Variants in KCNJ6 observed in about 807,000 individuals in gnomAD.
KCNJ6 encodes the protein potassium inwardly rectifying channel subfamily J member 6, also known as G protein-activated inward rectifier potassium channel 2.
In KCNJ6, 9 loss-of-function variants were observed where a neutral mutation model predicts 34.2. The ratio of observed to expected loss-of-function variants is 0.26; its 90% CI spans 0.16 to 0.46. The LOEUF (loss-of-function observed/expected upper bound fraction) is 0.46, where lower values mean the gene tolerates loss of function less well. Ranked by LOEUF, KCNJ6 falls within the 20% of genes least tolerant of loss-of-function variation. The probability of loss-of-function intolerance (pLI) is 1.00; values close to 1 mark genes in which losing one functional copy is unlikely to be tolerated. For missense variants in KCNJ6, 236 were observed against 531.3 expected (o/e 0.44, Z 5.46); for synonymous variants, 196 against 207.1 (o/e 0.95, Z 0.46).
intron 1 of KCNJ6, among the ~76,000 whole-genome samples, chr21:37,853,199 GA>G: frequency 7.0e-6 from 1 of 143,852 alleles, no homozygotes; most frequent in Admixed American, 6.9e-5. Flanking sequence ...ACCCATGCAA[GA>G]AAAACCCAAG....
chr21:37,885,579 G>T (rs936563867), intron 1 of KCNJ6, among the ~76,000 whole-genome samples: 2 of 152,236 alleles, frequency 1.3e-5, no homozygotes, highest in African/African-American at 4.8e-5. Flanking sequence ...TTCAAAGCAT[G>T]CAAGCCCACA....
intron 2 of KCNJ6, among the ~76,000 whole-genome samples, chr21:37,821,863 A>T (rs561383358): frequency 6.6e-6 from 1 of 152,354 alleles, no homozygotes; most frequent in East Asian, 1.9e-4. Context: ...ATGCTGAATG[A>T]CAGTTTTCCT....
At chr21:37,790,022 G>A (rs973489677) in intron 2 of KCNJ6, among the ~76,000 whole-genome samples, 6 of 152,250 alleles carry the variant, frequency 3.9e-5, no homozygotes, top group Admixed American at 2.0e-4. Flanking sequence ...GGATCATCGC[G>A]AACTTCCAAT....
intron 2 of KCNJ6, among the ~76,000 whole-genome samples, chr21:37,796,454 G>T (rs897469486): frequency 9.2e-5 from 14 of 152,218 alleles, no homozygotes; most frequent in African/African-American, 3.1e-4. Flanking sequence ...CTGACCTGAA[G>T]GGTGGCAGAT....
chr21:37,687,233 A>G (rs1312552419), intron 3 of KCNJ6, among the ~76,000 whole-genome samples: 1 of 152,130 alleles, frequency 6.6e-6, no homozygotes, highest in Admixed American at 6.5e-5. Flanking sequence ...GTAGCGTCCC[A>G]GCCGGTATCT....
At chr21:37,628,629 G>A (rs980393178) in intron 3 of KCNJ6, among the ~76,000 whole-genome samples, 7 of 152,268 alleles carry the variant, frequency 4.6e-5, no homozygotes, top group Admixed American at 2.0e-4. Context: ...ATGTGAAGAC[G>A]TAATGACTGG....
At chr21:37,872,488 A>T (rs1377337824) in intron 1 of KCNJ6, among the ~76,000 whole-genome samples, 1 of 152,198 alleles carries the variant, frequency 6.6e-6, no homozygotes, top group Non-Finnish European at 1.5e-5. Flanking sequence ...GGTGCAGCCT[A>T]CAGGAGGAAT....
intron 2 of KCNJ6, among the ~76,000 whole-genome samples, chr21:37,834,193 C>T (rs974776471): frequency 6.6e-6 from 1 of 152,232 alleles, no homozygotes; most frequent in Non-Finnish European, 1.5e-5. Context: ...TTGAAACCTT[C>T]AGCACTGCCC....
At chr21:37,673,579 A>C (rs796497894) in intron 3 of KCNJ6, among the ~76,000 whole-genome samples, 68 of 152,352 alleles carry the variant, frequency 4.5e-4, no homozygotes, top group African/African-American at 1.5e-3. Flanking sequence ...CAACTCACTC[A>C]TCACACACCT....
At chr21:37,635,676 CCTGA>C (rs1350015411) in intron 3 of KCNJ6, among the ~76,000 whole-genome samples, 2 of 151,916 alleles carry the variant, frequency 1.3e-5, no homozygotes, top group African/African-American at 4.8e-5. Context: ...TGCCACCACA[CCTGA>C]CTATTTTTGT....
At chr21:37,859,525 ATAT>A (rs1568875116) in intron 1 of KCNJ6, among the ~76,000 whole-genome samples, 8 of 116,414 alleles carry the variant, frequency 6.9e-5, no homozygotes, top group Admixed American at 4.0e-4. Flanking sequence ...ATATATATAT[ATAT>A]ATAAAATACT....
At chr21:37,794,988 A>C (rs968403495) in intron 2 of KCNJ6, among the ~76,000 whole-genome samples, 4 of 152,210 alleles carry the variant, frequency 2.6e-5, no homozygotes, top group Non-Finnish European at 5.9e-5. Context: ...AGGTCTGGGT[A>C]AAGATCATGT....
chr21:37,691,952 C>G (rs2054641876), intron 3 of KCNJ6, among the ~76,000 whole-genome samples: 1 of 152,162 alleles, frequency 6.6e-6, no homozygotes, highest in African/African-American at 2.4e-5. Context: ...AAAGGTTTCT[C>G]TAACCTCAGC....
At chr21:37,738,234 G>A (rs1032255679) in intron 2 of KCNJ6, among the ~76,000 whole-genome samples, 1 of 152,138 alleles carries the variant, frequency 6.6e-6, no homozygotes, top group African/African-American at 2.4e-5. Context: ...GATTACAAAC[G>A]GCCTGTACTT....
intron 1 of KCNJ6, among the ~76,000 whole-genome samples, chr21:37,845,015 T>A (rs956736563): frequency 6.6e-6 from 1 of 152,186 alleles, no homozygotes; most frequent in African/African-American, 2.4e-5. Flanking sequence ...TTGGAGCTAC[T>A]GTTTCCTGGT....
chr21:37,827,333 G>A (rs1006908994), intron 2 of KCNJ6, among the ~76,000 whole-genome samples: 4 of 152,306 alleles, frequency 2.6e-5, no homozygotes, highest in Admixed American at 6.5e-5. Flanking sequence ...ATTTAGCAAT[G>A]AAACCCACAG....
At chr21:37,716,051 G>A (rs1969915013) in intron 2 of KCNJ6, among the ~76,000 whole-genome samples, 1 of 152,188 alleles carries the variant, frequency 6.6e-6, no homozygotes, top group African/African-American at 2.4e-5. Flanking sequence ...TATGTGATCT[G>A]TGCCTGCATG....
intron 2 of KCNJ6, among the ~76,000 whole-genome samples, chr21:37,797,241 G>A (rs184344308): frequency 6.6e-6 from 1 of 152,020 alleles, no homozygotes; most frequent in Admixed American, 6.6e-5. Context: ...AGTAGAGATG[G>A]GGTTTTGCCA....
chr21:37,692,944 T>C (rs909292975), intron 3 of KCNJ6, among the ~76,000 whole-genome samples: 8 of 152,140 alleles, frequency 5.3e-5, no homozygotes, highest in African/African-American at 1.9e-4. Context: ...GACGCAAATC[T>C]TTATTTGGGT....
Sources: allele counts gnomAD v4.1 joint callset (sites outside exome capture counted in the v4.1 genomes callset), GRCh38; gene constraint gnomAD v4.1.1; transcripts MANE v1.5; gene names NCBI Gene and HGNC (gene_info 2026-07-23, HGNC 2026-07-21).